CCAR1: variants seen among roughly 807,000 people sequenced by gnomAD.
The protein encoded by CCAR1 is cell division cycle and apoptosis regulator 1, also known as cell division cycle and apoptosis regulator protein 1.
In CCAR1, 78 loss-of-function variants were observed where a neutral mutation model predicts 163.8. That is an observed-to-expected ratio of 0.48 (90% CI 0.40 to 0.57). The LOEUF is 0.57. CCAR1 is among the 20% of genes least tolerant of loss of function. The pLI is 0.00. For synonymous variants in CCAR1, 443 were observed against 460.7 expected (o/e 0.96, Z 0.49); for missense variants, 1,019 against 1,365.2 (o/e 0.75, Z 4.00).
intron 2 of CCAR1, among the ~76,000 whole-genome samples, chr10:68,732,133 A>C (rs941952619): frequency 1.4e-4 from 21 of 152,162 alleles, no homozygotes; most frequent in Non-Finnish European, 2.8e-4. Flanking sequence ...TGAAACAGCA[A>C]ATCTAAGGCC....
chr10:68,789,674 G>T, intron 23 of CCAR1, 36 bp from the exon 24 acceptor site: 1 of 1,214,320 alleles, frequency 8.2e-7, no homozygotes, highest in Non-Finnish European at 1.2e-6. Context: ...GAAATTTTAG[G>T]AAGTAAAATG....
chr10:68,736,153 A>T (rs941458261), intron 2 of CCAR1, among the ~76,000 whole-genome samples: 1 of 152,168 alleles, frequency 6.6e-6, no homozygotes, highest in African/African-American at 2.4e-5. Flanking sequence ...ACCCCCAGCC[A>T]GTTTTAGTCT....
intron 10 of CCAR1, among the ~76,000 whole-genome samples, chr10:68,750,182 A>T (rs1001979688): frequency 6.6e-6 from 1 of 150,736 alleles, no homozygotes; most frequent in African/African-American, 2.4e-5. Flanking sequence ...AGAAGCCATG[A>T]CAAATTACCA....
intron 10 of CCAR1, 91 bp downstream of exon 10, chr10:68,749,776 G>C (rs962991585): frequency 2.7e-6 from 3 of 1,130,936 alleles, no homozygotes; most frequent in Non-Finnish European, 3.8e-6. Flanking sequence ...TTGCAAGATT[G>C]ATTTCCCGAC....
At chr10:68,743,416 G>A (rs1301578403) in intron 6 of CCAR1, among the ~76,000 whole-genome samples, 10 of 151,622 alleles carry the variant, frequency 6.6e-5, no homozygotes, top group Admixed American at 1.3e-4. Context: ...CACCTGCCTC[G>A]GCCTCCCAGG....
chr10:68,756,158 A>C lies in CCAR1; in HGVS notation c.1626-115A>C. The C allele has an allele frequency of 1.4e-6, 1 of 724,294 alleles. No individual in the cohort carries two copies. The highest frequency in any genetic ancestry group is 1.8e-5 in the African/African-American group (1 of 56,038). 44.9% of individuals were successfully genotyped at this position (724,294 alleles called of 1,614,324 possible). On this transcript the variant is annotated intron_variant, in intron 13 of 24. Transcript: ENST00000265872. The surrounding 1 kb of genome is among the most constrained non-coding windows in gnomAD (Gnocchi z 5.1). ...GCTTCTATAATTTTTTTTTCTTTAG[A>C]CCAACCTCAAGTTCTTGCAGCAAAA...
chr10:68,770,277 G>C (rs1488309519), intron 17 of CCAR1, among the ~76,000 whole-genome samples: 1 of 152,144 alleles, frequency 6.6e-6, no homozygotes, highest in Admixed American at 6.6e-5. Context: ...TAGGTTAACA[G>C]AGACTTCATG....
chr10:68,774,936 G>GTT (rs571785279), intron 19 of CCAR1: 239 of 310,128 alleles, frequency 7.7e-4, no homozygotes, highest in Middle Eastern at 1.5e-3. Flanking sequence ...AGTTCTTTTT[G>GTT]TTTTTTTTTT....
chr10:68,754,013 A>G lies in CCAR1; in HGVS notation c.1280A>G (p.Glu427Gly), dbSNP rs1466144198. ...CNFYVMHREV[E>G]SLEKNMAILD... The stretch of plus-strand genomic sequence containing the variant: ...TTTTATGTAATGCACAGAGAAGTAG[A>G]GTCCTTAGAAAAAAATATGGCCATT... Residue 427 changes from glutamate to glycine, a missense_variant, in exon 11 of 25, where the codon GAG becomes GGG. By Grantham distance (98) the Glu-to-Gly change is moderately conservative. This residue lies in a region of CCAR1 where 644 missense variants were observed against 904.4 expected (regional missense o/e 0.71). Coordinates refer to ENST00000265872, the MANE Select transcript of CCAR1 (RefSeq NM_018237.4). 1 of 1,613,894 alleles carries G rather than the reference A, an allele frequency of 6.2e-7. No individual in the cohort carries two copies. The highest frequency in any genetic ancestry group is 2.2e-5 in the East Asian group (1 of 44,856).
At chr10:68,721,543 A>C in intron 1 of CCAR1, 1 of 447,354 alleles carries the variant, frequency 2.2e-6, no homozygotes, top group Non-Finnish European at 4.5e-6. Context: ...CGGCATGGCG[A>C]CGCTGCAGTC....
rs2056598487 is a variant in CCAR1 at position 68,771,219 on chromosome 10, C to T, written c.2312C>T (p.Ala771Val). The T allele has an allele frequency of 3.2e-6, 5 of 1,585,698 alleles. No individual in the cohort carries two copies. Among genetic ancestry groups the T allele is most frequent in the Admixed American group, 1.9e-5 (1 of 52,206 alleles). ...KEHSFEVSLF[A>V]ELFNEMLQRD... Reference sequence around the variant, plus strand: ...ATCTTTTTATAGGTTTCATTGTTTGCGGAACTTTTCAACGAAATGCTTCAA... The same window carrying T: ...ATCTTTTTATAGGTTTCATTGTTTGTGGAACTTTTCAACGAAATGCTTCAA... The change falls in exon 18 of 25, where the codon GCG becomes GTG. Residue 771 changes from alanine (A) to valine (V), a missense_variant. Physicochemically the swap from Ala to Val is moderately conservative, Grantham distance 64. Coordinates refer to ENST00000265872, the MANE Select transcript of CCAR1 (RefSeq NM_018237.4).
chr10:68,773,538 C>T (rs1564548658), intron 19 of CCAR1, among the ~76,000 whole-genome samples: 1 of 152,040 alleles, frequency 6.6e-6, no homozygotes, highest in Non-Finnish European at 1.5e-5. Flanking sequence ...GTGGCGCGTG[C>T]CTATAATCCC....
At chr10:68,739,424 C>G (rs890568633) in intron 4 of CCAR1, among the ~76,000 whole-genome samples, 2 of 152,006 alleles carry the variant, frequency 1.3e-5, no homozygotes, top group Non-Finnish European at 2.9e-5. Flanking sequence ...GCTGGGATTA[C>G]AGGCGTGAGG....
Position 68,722,475 on chromosome 10 carries a change from A to G in CCAR1, c.-30A>G. 1 of 1,589,610 alleles carries G rather than the reference A, an allele frequency of 6.3e-7. No homozygotes were observed. Among genetic ancestry groups the G allele is most frequent in the Non-Finnish European group, 8.6e-7 (1 of 1,157,690 alleles). The stretch of plus-strand genomic sequence containing the variant: ...GATAGATCGATGCTATAGAAGACAA[A>G]CAAGGGAAGGTTTTTTTTCCTTTTG... On this transcript the variant is annotated 5_prime_UTR_variant, in exon 2 of 25. Coordinates refer to ENST00000265872, the MANE Select transcript of CCAR1 (RefSeq NM_018237.4).
chr10:68,750,528 T>G (rs1165528735), intron 10 of CCAR1, among the ~76,000 whole-genome samples: 3 of 152,004 alleles, frequency 2.0e-5, no homozygotes, highest in Non-Finnish European at 4.4e-5. Flanking sequence ...CCTGGCCAAG[T>G]TGCCAGGAAT....
chr10:68,746,892 T>C (rs773978373), intron 6 of CCAR1, among the ~76,000 whole-genome samples: 21 of 151,554 alleles, frequency 1.4e-4, no homozygotes, highest in Admixed American at 7.2e-4. Flanking sequence ...CTACTTTTTT[T>C]ATTATTATTA....
intron 2 of CCAR1, among the ~76,000 whole-genome samples, chr10:68,725,719 A>G (rs1216112317): frequency 1.3e-5 from 2 of 152,194 alleles, no homozygotes; most frequent in Non-Finnish European, 2.9e-5. Context: ...TGCTTAAAAT[A>G]TCTTTTTTAA....
intron 2 of CCAR1, among the ~76,000 whole-genome samples, chr10:68,726,164 T>TG (rs1010637674): frequency 2.6e-5 from 4 of 151,054 alleles, no homozygotes; most frequent in Non-Finnish European, 4.4e-5. Flanking sequence ...TTAATTTTTT[T>TG]TTTTTGAGAT....
intron 19 of CCAR1, among the ~76,000 whole-genome samples, chr10:68,782,109 G>C (rs2056743760): frequency 6.6e-6 from 1 of 152,120 alleles, no homozygotes; most frequent in South Asian, 2.1e-4. Context: ...AGAGTTTTAG[G>C]GGTCAGAATA....
Sources: gnomAD v4.1 joint callset for allele counts (sites outside exome capture counted in the v4.1 genomes callset) on GRCh38, gnomAD v4.1.1 for gene constraint, gnomAD v4.1.1 regional missense constraint, Gnocchi (gnomAD v3.1) non-coding constraint, MANE v1.5 for transcripts, NCBI Gene and HGNC (gene_info 2026-07-23, HGNC 2026-07-21) for gene names.